AGR3: variants seen among roughly 807,000 people sequenced by gnomAD.
The protein encoded by AGR3 is anterior gradient 3, protein disulphide isomerase family member, also known as anterior gradient protein 3.
AGR3 carries 37 observed loss-of-function variants against 24.5 expected under a neutral mutation model. That is an observed-to-expected ratio of 1.51 (90% confidence interval 1.16 to 1.99). AGR3 has a LOEUF of 1.99. Ranked by LOEUF, AGR3 falls within the 30% of genes most tolerant of loss-of-function variation. AGR3 has a pLI of 0.00. For synonymous variants in AGR3, 75 were observed against 61.6 expected (o/e 1.22, Z -1.02); for missense variants, 228 against 191.1 (o/e 1.19, Z -1.14).
chr7:16,881,456 A>C (rs1782115204), intron 1 of AGR3, among the ~76,000 whole-genome samples: 3 of 152,214 alleles, frequency 2.0e-5, no homozygotes, highest in African/African-American at 4.8e-5. Flanking sequence ...AGGTTAAGCT[A>C]CTTGGGGGAA....
intron 6 of AGR3, among the ~76,000 whole-genome samples, chr7:16,860,909 T>G (rs1781628905): frequency 6.6e-6 from 1 of 152,218 alleles, no homozygotes; most frequent in South Asian, 2.1e-4. Context: ...ACTATTTGGT[T>G]TTCTGTTTCT....
chr7:16,857,712 G>A (rs1281662878), downstream of AGR3, among the ~76,000 whole-genome samples: 1 of 151,970 alleles, frequency 6.6e-6, no homozygotes, highest in African/African-American at 2.4e-5. Flanking sequence ...TAGGATACAT[G>A]GGTCTCTAGT....
At chr7:16,872,004 A>G (rs1317482984) in intron 3 of AGR3, among the ~76,000 whole-genome samples, 1 of 152,164 alleles carries the variant, frequency 6.6e-6, no homozygotes, top group Non-Finnish European at 1.5e-5. Context: ...GGAAGAATGA[A>G]TTTTGCTAAA....
chr7:16,854,911 T>G (rs1233889360), downstream of AGR3, among the ~76,000 whole-genome samples: 1 of 152,150 alleles, frequency 6.6e-6, no homozygotes, highest in Non-Finnish European at 1.5e-5. Context: ...GTATCCAAAT[T>G]TCTTCTTTAT....
intron 3 of AGR3, among the ~76,000 whole-genome samples, chr7:16,863,939 A>G (rs1380134184): frequency 6.6e-6 from 1 of 151,982 alleles, no homozygotes; most frequent in Admixed American, 6.6e-5. Context: ...GCCCCCCATA[A>G]AGTTTTTGCA....
chr7:16,870,014 T>G (rs997058342), intron 3 of AGR3, among the ~76,000 whole-genome samples: 7 of 151,974 alleles, frequency 4.6e-5, no homozygotes, highest in Non-Finnish European at 7.4e-5. Flanking sequence ...GTTTTTTAAG[T>G]ATAGAGAGAA....
In AGR3 at chr7:16,859,594, C is replaced by T. The variant is rs2115401168; in HGVS notation, c.489G>A (p.Gln163=). ...ENMKKALRLI[Q]SEL ...TTTCCATCATCTCTTATAGCTCTGACTGAATAAGTCTTAATGCTTTCTTCA... is the reference window on the plus strand; with the variant it reads ...TTTCCATCATCTCTTATAGCTCTGATTGAATAAGTCTTAATGCTTTCTTCA... Residue 163 remains glutamine, a synonymous_variant, in exon 8 of 8, where the codon CAG becomes CAA. Transcript: ENST00000310398. 1 of 1,553,536 alleles carries T rather than the reference C, an allele frequency of 6.4e-7. No homozygotes were observed. Among genetic ancestry groups the T allele is most frequent in the Non-Finnish European group, 8.8e-7 (1 of 1,139,426 alleles).
intron 3 of AGR3, among the ~76,000 whole-genome samples, chr7:16,868,083 T>C (rs775136795): frequency 3.3e-5 from 5 of 152,168 alleles, no homozygotes; most frequent in Non-Finnish European, 5.9e-5. Flanking sequence ...TGGTATTTCA[T>C]TGTGGTATTA....
At chr7:16,864,115 G>C (rs574394258) in intron 3 of AGR3, among the ~76,000 whole-genome samples, 2 of 152,292 alleles carry the variant, frequency 1.3e-5, no homozygotes, top group South Asian at 2.1e-4. Context: ...TGACAGAAGA[G>C]TTAGTTTTTC....
At chr7:16,860,676 G>T in intron 6 of AGR3, 93 bp from the exon 7 acceptor site, 1 of 857,666 alleles carries the variant, frequency 1.2e-6, no homozygotes. Context: ...ATATGTGGGG[G>T]TTATGTGTAC....
intron 1 of AGR3, among the ~76,000 whole-genome samples, chr7:16,879,495 T>C (rs944700168): frequency 2.0e-5 from 3 of 152,332 alleles, no homozygotes; most frequent in Admixed American, 6.5e-5. Flanking sequence ...AGTTACAGCA[T>C]TAGCATATAA....
Position 16,860,522 on chromosome 7 carries a change from A to C in AGR3, c.429T>G (p.Tyr143Ter). 6.2e-7 allele frequency: 1 copy of C among 1,613,540 alleles called. No individual in the cohort carries two copies. The highest frequency in any genetic ancestry group is 8.5e-7 in the Non-Finnish European group (1 of 1,179,484). Residue 143 changes from tyrosine to a stop codon, truncating the protein, a stop_gained, in exon 7 of 8, where the codon TAT becomes TAG. Transcript: ENST00000310398. LOFTEE classifies it high-confidence loss of function. ...TACATAGGGGTAAATCCCGAGGCTC[A>C]TATGTGTACAATCTGTTAGAGTATC... is the stretch of plus-strand genomic sequence containing the variant. ...AGRYSNRLYT[Y>*]EPRDLPLLIE...
chr7:16,878,586 G>A lies in AGR3; in HGVS notation c.33C>T (p.Leu11=). 1.2e-6 allele frequency: 2 copies of A among 1,614,132 alleles called. No individual in the cohort carries two copies. Among genetic ancestry groups the A allele is most frequent in the Admixed American group, 1.7e-5 (1 of 60,024 alleles). The change falls in exon 2 of 8, where the codon CTC becomes CTT. Residue 11 remains leucine (L), a synonymous_variant. Coordinates refer to ENST00000310398, the MANE Select transcript of AGR3 (RefSeq NM_176813.5). MMLHSALGLC[L]LLVTVSSNLA... ...GGTTGGAAGAAACTGTGACGAGTAA[G>A]AGGCAGAGACCCAAAGCTGAGTGTA...
At chr7:16,878,012 C>G (rs1177171258) in intron 2 of AGR3, among the ~76,000 whole-genome samples, 1 of 152,094 alleles carries the variant, frequency 6.6e-6, no homozygotes, top group Admixed American at 6.6e-5. Context: ...ATGTCTAAAA[C>G]CACTGTCTTC....
chr7:16,861,252 A>G lies in AGR3; in HGVS notation c.367+132T>C, dbSNP rs1011360182. On this transcript the variant is annotated intron_variant, in intron 6 of 7. Transcript: ENST00000310398. The stretch of plus-strand genomic sequence containing the variant: ...GGATTTTGATTGTAGAACTAACAAG[A>G]GCTGATATTATTGGATTAGAAATGA... The G allele has an allele frequency of 6.3e-6, 4 of 631,962 alleles. No homozygotes were observed. The African/African-American group carries it at 7.5e-5, about 12-fold the overall frequency. 39.1% of individuals were successfully genotyped at this position (631,962 alleles called of 1,614,324 possible). A position where few individuals can be genotyped will look rare whatever the true frequency, so the allele number is the denominator to read the frequency against.
intron 3 of AGR3, among the ~76,000 whole-genome samples, chr7:16,873,158 C>G (rs1379231363): frequency 1.3e-5 from 2 of 152,062 alleles, no homozygotes; most frequent in African/African-American, 2.4e-5. Flanking sequence ...TTTATGGAAT[C>G]ACTATTCACA....
At chr7:16,875,114 CAAAAAAA>C (rs58302584) in intron 2 of AGR3, among the ~76,000 whole-genome samples, 2 of 135,266 alleles carry the variant, frequency 1.5e-5, no homozygotes, top group Non-Finnish European at 1.6e-5. Context: ...GACTCCATCT[CAAAAAAA>C]AAAAAAAAAA....
intron 7 of AGR3, among the ~76,000 whole-genome samples, chr7:16,860,212 C>T (rs1390704599): frequency 6.6e-6 from 1 of 152,118 alleles, no homozygotes; most frequent in African/African-American, 2.4e-5. Flanking sequence ...ATCTTTGATA[C>T]TAGGAGAATG....
At chr7:16,875,042 G>T (rs1424553580) in intron 2 of AGR3, among the ~76,000 whole-genome samples, 1 of 151,452 alleles carries the variant, frequency 6.6e-6, no homozygotes, top group Admixed American at 6.6e-5. Context: ...CTTGAACCTG[G>T]GGGTGGATGT....
Sources: allele counts gnomAD v4.1 joint callset (sites outside exome capture counted in the v4.1 genomes callset), GRCh38; gene constraint gnomAD v4.1.1; transcripts MANE v1.5; gene names NCBI Gene and HGNC (gene_info 2026-07-23, HGNC 2026-07-21).